PLEKHA4: variants seen among roughly 807,000 people sequenced by gnomAD.
PLEKHA4 encodes pleckstrin homology domain-containing family A member 4.
A neutral mutation model predicts 94.7 loss-of-function variants in PLEKHA4; 73 were observed. The observed-to-expected ratio is 0.77, with a 90% CI of 0.64 to 0.94. The LOEUF is 0.94. Among genes scored for constraint, PLEKHA4 ranks in the 40% least tolerant of loss-of-function variants. PLEKHA4 has a pLI of 0.00. For missense variants in PLEKHA4, 1,049 were observed against 1,054.1 expected, an observed-to-expected ratio of 1.00 and a Z score of 0.07; for synonymous variants, 449 against 437.1, an observed-to-expected ratio of 1.03 and a Z score of -0.34.
intron 3 of PLEKHA4, 115 bp from the exon 4 acceptor site, chr19:48,861,807 A>C: frequency 1.1e-6 from 1 of 938,210 alleles, no homozygotes; most frequent in Non-Finnish European, 1.7e-6. Flanking sequence ...AGAGAGGAGA[A>C]CAGAGACATA....
chr19:48,863,292 C>T (rs2036711391), intron 3 of PLEKHA4, among the ~76,000 whole-genome samples: 1 of 152,114 alleles, frequency 6.6e-6, no homozygotes, highest in African/African-American at 2.4e-5. Flanking sequence ...CTCGCTCTGT[C>T]ACCCAGGCTG....
chr19:48,838,486 A>G (rs1163678495), intron 18 of PLEKHA4, among the ~76,000 whole-genome samples: 1 of 148,462 alleles, frequency 6.7e-6, no homozygotes, highest in Non-Finnish European at 1.5e-5. Flanking sequence ...AAAGCAGGCC[A>G]GGTGCGACAG....
intron 6 of PLEKHA4, 57 bp downstream of exon 6, chr19:48,860,293 G>T (rs2036583549): frequency 1.4e-6 from 2 of 1,456,730 alleles, no homozygotes; most frequent in African/African-American, 2.8e-5. Context: ...GAGGAGTTGG[G>T]ATGACGAGAC....
In PLEKHA4 at chr19:48,859,094, G is replaced by T; in HGVS notation, c.738C>A (p.Pro246=). 1 of 1,494,232 alleles carries T rather than the reference G, an allele frequency of 6.7e-7. No homozygotes were observed. Among genetic ancestry groups the T allele is most frequent in the Non-Finnish European group, 8.9e-7 (1 of 1,120,516 alleles). The allele number at this position is 1,494,232 out of a possible 1,614,324, so 92.6% of individuals were successfully genotyped here. The change falls in exon 8 of 20, where the codon CCC becomes CCA. Residue 246 remains proline (P), a synonymous_variant. Transcript: ENST00000263265. ...GCCGCGCAGGGGCAGAACGGGGACG[G>T]GGGAGGCTCAGAGGCGAGGGAGGGC... The part of the protein sequence containing the change: ...LSRPPSPLSL[P]RPRSAPARRP...
At position 48,841,282 on chromosome 19, in the gene PLEKHA4, G is replaced by C. The variant is rs2035756619; in HGVS notation, c.1772C>G (p.Ala591Gly). ...GCGCATCCGCTCCAGCTGCTCCTGG[G>C]CACTCATCCGGGGCCGGGCCACCGG... is the stretch of plus-strand genomic sequence containing the variant. ...KAPVARPRMSAQEQLERMRRN... is the reference protein window; with the variant it reads ...KAPVARPRMSGQEQLERMRRN... Residue 591 changes from alanine (A) to glycine (G), a missense_variant, in exon 17 of 20, where the codon GCC becomes GGC. Transcript: ENST00000263265. The C allele has an allele frequency of 1.2e-6, 2 of 1,612,884 alleles. No individual in the cohort carries two copies.
intron 12 of PLEKHA4, among the ~76,000 whole-genome samples, chr19:48,853,201 T>TTCAC (rs1193076510): frequency 6.6e-6 from 1 of 152,038 alleles, no homozygotes; most frequent in African/African-American, 2.4e-5. Flanking sequence ...CATTCATTCA[T>TTCAC]TCACTCATTT....
In PLEKHA4 at chr19:48,838,090, AC is replaced by A; in HGVS notation, c.2003del (p.Gly668ValfsTer23). ...NTTPYLPTSE[G>X]HRERVLSLSQ... ...AGAGGCTGAGAACCCGCTCCCGGTGACCTTCGGAAGTCGGCAAGTAAGGGGT... is the reference window on the plus strand; with the variant it reads ...AGAGGCTGAGAACCCGCTCCCGGTGACTTCGGAAGTCGGCAAGTAAGGGGT... On this transcript the variant is annotated frameshift_variant, in exon 19 of 20. Coordinates refer to ENST00000263265, the MANE Select transcript of PLEKHA4 (RefSeq NM_020904.3). LOFTEE classifies it high-confidence loss of function. 1 of 1,611,818 alleles carries A rather than the reference AC, an allele frequency of 6.2e-7. No individual in the cohort carries two copies. The highest frequency in any genetic ancestry group is 1.1e-5 in the South Asian group (1 of 90,972).
At chr19:48,840,686 A>G (rs2035726938) in intron 17 of PLEKHA4, among the ~76,000 whole-genome samples, 1 of 151,988 alleles carries the variant, frequency 6.6e-6, no homozygotes, top group African/African-American at 2.4e-5. Context: ...TGGCCTCCCA[A>G]ATTGCTGGGA....
At position 48,847,793 on chromosome 19, in the gene PLEKHA4, T is replaced by C. The variant is rs190534266; in HGVS notation, c.1566+107A>G. The C allele has an allele frequency of 1.5e-3, 1,932 of 1,280,110 alleles. 3 individuals carry two copies. The highest frequency in any genetic ancestry group is 1.9e-3 in the Non-Finnish European group (1,849 of 961,732). 79.3% of individuals were successfully genotyped at this position (1,280,110 alleles called of 1,614,324 possible). Reference sequence around the variant, plus strand: ...CAGAGGTTAGGACACTTGTACCAGGTGGGTTAGCTGATCAAGGAAGAATTA... The same window carrying C: ...CAGAGGTTAGGACACTTGTACCAGGCGGGTTAGCTGATCAAGGAAGAATTA... On this transcript the variant is annotated intron_variant, in intron 14 of 19. Coordinates refer to ENST00000263265, the MANE Select transcript of PLEKHA4 (RefSeq NM_020904.3).
Position 48,851,382 on chromosome 19 carries a change from C to A in PLEKHA4, c.1425+846G>T, listed in dbSNP as rs1187244376. Among the ~76,000 whole-genome samples, 3 of 152,078 alleles carry A rather than the reference C, an allele frequency of 2.0e-5. No individual in the cohort carries two copies. The South Asian group carries it at 6.2e-4, about 32-fold the overall frequency. On this transcript the variant is annotated intron_variant, in intron 13 of 19. Coordinates refer to ENST00000263265, the MANE Select transcript of PLEKHA4 (RefSeq NM_020904.3). ...CTGTAATCCCAGCACTTTGGGAGGCCGAGGCAGGCAGATCACCTGAGGTCG... is the reference window on the plus strand; with the variant it reads ...CTGTAATCCCAGCACTTTGGGAGGCAGAGGCAGGCAGATCACCTGAGGTCG...
intron 9 of PLEKHA4, among the ~76,000 whole-genome samples, chr19:48,856,603 A>G (rs2123076013): frequency 6.6e-6 from 1 of 152,228 alleles, no homozygotes; most frequent in Non-Finnish European, 1.5e-5. Context: ...CTGTAATCCC[A>G]GCTATTCAGG....
chr19:48,839,305 C>CT (rs1317803576), intron 17 of PLEKHA4, 42 bp from the exon 18 acceptor site: 1 of 1,398,388 alleles, frequency 7.2e-7, no homozygotes, highest in Non-Finnish European at 9.7e-7. Flanking sequence ...ACCTGGAAGC[C>CT]CCACGTTCTC....
chr19:48,858,797 CG>C (rs2036522623), intron 8 of PLEKHA4, 62 bp downstream of exon 8: 2 of 1,582,940 alleles, frequency 1.3e-6, no homozygotes, highest in Non-Finnish European at 1.7e-6. Context: ...CTTGAGAATA[CG>C]GAAAGACAGC....
At position 48,841,211 on chromosome 19, in the gene PLEKHA4, G is replaced by A. The variant is rs370885533; in HGVS notation, c.1843C>T (p.Arg615Trp). Residue 615 changes from arginine (R) to tryptophan (W), a missense_variant, in exon 17 of 20, where the codon CGG becomes TGG. By Grantham distance (101) the Arg-to-Trp change is moderately radical (BLOSUM62 -3). Transcript: ENST00000263265. ...GRPFPRPTSP[R>W]LLTLGRTLSP... ...AGTGTCCTTCCCAGGGTGAGAAGCC[G>A]GGGGGAGGTCGGGCGAGGGAAGGGC... is the stretch of plus-strand genomic sequence containing the variant. 73 of 1,612,676 alleles carry A rather than the reference G, an allele frequency of 4.5e-5. No homozygotes were observed. The highest frequency in any genetic ancestry group is 4.9e-5 in the Non-Finnish European group (58 of 1,179,480).
chr19:48,854,696 CTTTTTT>C (rs397859722), intron 9 of PLEKHA4, among the ~76,000 whole-genome samples: 7 of 81,322 alleles, frequency 8.6e-5, no homozygotes, highest in African/African-American at 3.7e-4. Context: ...CATGCCTGGC[CTTTTTT>C]TTTTTTTTTT....
In PLEKHA4 at chr19:48,860,456, C is replaced by T; in HGVS notation, c.370G>A (p.Glu124Lys). The T allele has an allele frequency of 6.2e-7, 1 of 1,613,556 alleles. No individual in the cohort carries two copies. Among genetic ancestry groups the T allele is most frequent in the Non-Finnish European group, 8.5e-7 (1 of 1,179,564 alleles). ...ACGTAGGTCCTCATGCCCGGGTGCT[C>T]TGCCTGCGGGAAGAGAAGGCTTGGA... is the stretch of plus-strand genomic sequence containing the variant. ...PRGRRFTFTA[E>K]HPGMRTYVLA... Residue 124 changes from glutamate (E) to lysine (K), a missense_variant, in exon 6 of 20, where the codon GAG becomes AAG. Coordinates refer to ENST00000263265, the MANE Select transcript of PLEKHA4 (RefSeq NM_020904.3).
chr19:48,849,947 T>G (rs2036116073), intron 13 of PLEKHA4, among the ~76,000 whole-genome samples: 1 of 152,182 alleles, frequency 6.6e-6, no homozygotes, highest in African/African-American at 2.4e-5. Flanking sequence ...GCGCAGTAGC[T>G]CATGCCTATA....
Position 48,860,212 on chromosome 19 carries a change from G to T in PLEKHA4, c.476+138C>A, listed in dbSNP as rs1332248597. The stretch of plus-strand genomic sequence containing the variant: ...GATTGGAAAAGTTCCCTGGAGGTGG[G>T]GCCTAGAAGACGAGGCGCCTTAGCT... On this transcript the variant is annotated intron_variant, in intron 6 of 19. Transcript: ENST00000263265. 3 of 689,848 alleles carry T rather than the reference G, an allele frequency of 4.3e-6. No individual in the cohort carries two copies. In the Admixed American group the frequency reaches 8.2e-5, roughly 19 times the overall value. 42.7% of individuals were successfully genotyped at this position (689,848 alleles called of 1,614,324 possible).
Position 48,837,953 on chromosome 19 carries a change from G to T in PLEKHA4, c.2077+64C>A. 1 of 1,356,216 alleles carries T rather than the reference G, an allele frequency of 7.4e-7. No homozygotes were observed. Among genetic ancestry groups the T allele is most frequent in the Non-Finnish European group, 1.0e-6 (1 of 957,134 alleles). 84.0% of individuals were successfully genotyped at this position (1,356,216 alleles called of 1,614,324 possible). A position where few individuals can be genotyped will look rare whatever the true frequency, so the allele number is the denominator to read the frequency against. On this transcript the variant is annotated intron_variant, in intron 19 of 19. Coordinates refer to ENST00000263265, the MANE Select transcript of PLEKHA4 (RefSeq NM_020904.3). This position sits in a 1 kb window ranked among gnomAD's most constrained non-coding sequence, Gnocchi z 4.3. ...CCAGACCCCTCCTCTCCAGGACCTG[G>T]GATTCCAGGTCTCCAGCTCTCTCCT...
Sources: allele counts gnomAD v4.1 joint callset (sites outside exome capture counted in the v4.1 genomes callset), GRCh38; gene constraint gnomAD v4.1.1; non-coding constraint Gnocchi (gnomAD v3.1); transcripts MANE v1.5; gene names NCBI Gene and HGNC (gene_info 2026-07-23, HGNC 2026-07-21).